SLC44A1: variants seen among roughly 807,000 people sequenced by gnomAD.
The protein encoded by SLC44A1 is solute carrier family 44 member 1.
A neutral mutation model predicts 79.3 loss-of-function variants in SLC44A1; 26 were observed. The observed-to-expected ratio is 0.33, with a 90% CI of 0.24 to 0.46. SLC44A1 has a LOEUF of 0.46. Among genes scored for constraint, SLC44A1 ranks in the 20% least tolerant of loss-of-function variants. The probability of loss-of-function intolerance (pLI) is 1.00; values close to 1 mark genes in which losing one functional copy is unlikely to be tolerated. For synonymous variants in SLC44A1, 263 were observed against 286.2 expected (o/e 0.92, Z 0.82); for missense variants, 688 against 798.1 (o/e 0.86, Z 1.66).
At position 105,389,410 on chromosome 9, in the gene SLC44A1, G is replaced by C. The variant is rs1828708569; in HGVS notation, c.*354G>C. 3 of 1,040,884 alleles carry C rather than the reference G, an allele frequency of 2.9e-6. No individual in the cohort carries two copies. The highest frequency in any genetic ancestry group is 8.6e-5 in the South Asian group (2 of 23,254). The allele number at this position is 1,040,884 out of a possible 1,614,324, so 64.5% of individuals were successfully genotyped here. On this transcript the variant is annotated 3_prime_UTR_variant, in exon 16 of 16. Transcript: ENST00000374720. ...GAGATTTTAACTTTATTTAAAAATA[G>C]GTAAAATTATTGTACCTAATTATGT...
intron 3 of SLC44A1, among the ~76,000 whole-genome samples, chr9:105,330,058 G>GGTCT (rs1826702719): frequency 1.3e-5 from 2 of 152,102 alleles, no homozygotes; most frequent in African/African-American, 4.8e-5. Flanking sequence ...GTATCCAAAG[G>GGTCT]GTCTGGCCCA....
intron 1 of SLC44A1, among the ~76,000 whole-genome samples, chr9:105,286,244 C>T (rs568755747): frequency 6.6e-6 from 1 of 152,298 alleles, no homozygotes; most frequent in African/African-American, 2.4e-5. Flanking sequence ...GATATGCTAA[C>T]CACAGTAAAC....
intron 15 of SLC44A1, among the ~76,000 whole-genome samples, chr9:105,387,166 G>T (rs1193626805): frequency 6.8e-6 from 1 of 148,020 alleles, no homozygotes. Flanking sequence ...CAAACTAATC[G>T]CATATTCAAC....
At chr9:105,324,016 G>T (rs138909285) in intron 3 of SLC44A1, among the ~76,000 whole-genome samples, 2,183 of 151,980 alleles carry the variant, frequency 0.014, 51 homozygotes, top group African/African-American at 0.048. Flanking sequence ...TTTTGTTTTT[G>T]TTTTTGACGG....
At chr9:105,264,923 A>C (rs765564927) in intron 1 of SLC44A1, among the ~76,000 whole-genome samples, 25 of 151,826 alleles carry the variant, frequency 1.6e-4, no homozygotes, top group Non-Finnish European at 1.8e-4. Flanking sequence ...CAGCCTCCCG[A>C]GTAGCTGGGA....
chr9:105,391,695 C>G lies in SLC44A1; in HGVS notation c.*2639C>G, dbSNP rs1460915445. The stretch of plus-strand genomic sequence containing the variant: ...TCATTCATTTCAAGTCATTCTTCAG[C>G]TAGCTATGGGCTGCCTTATTGCTAT... On this transcript the variant is annotated 3_prime_UTR_variant, in exon 16 of 16. Transcript: ENST00000374720. 1.0e-6 allele frequency: 1 copy of G among 985,208 alleles called. No homozygotes were observed. The highest frequency in any genetic ancestry group is 1.1e-4 in the East Asian group (1 of 8,826). 61.0% of individuals were successfully genotyped at this position (985,208 alleles called of 1,614,324 possible). A position where few individuals can be genotyped will look rare whatever the true frequency, so the allele number is the denominator to read the frequency against.
intron 2 of SLC44A1, among the ~76,000 whole-genome samples, chr9:105,308,265 T>C (rs1831084929): frequency 6.6e-6 from 1 of 152,172 alleles, no homozygotes; most frequent in Non-Finnish European, 1.5e-5. Flanking sequence ...ACCTAACAAC[T>C]ATAATAGCTA....
chr9:105,263,925 AC>A (rs1485925498), intron 1 of SLC44A1, among the ~76,000 whole-genome samples: 1 of 151,956 alleles, frequency 6.6e-6, no homozygotes, highest in Non-Finnish European at 1.5e-5. Flanking sequence ...CTGCCCTGAG[AC>A]CACCACTTTT....
At chr9:105,254,591 A>G (rs1829661310) in intron 1 of SLC44A1, among the ~76,000 whole-genome samples, 1 of 152,186 alleles carries the variant, frequency 6.6e-6, no homozygotes, top group Admixed American at 6.5e-5. Context: ...GTGTTTCCTA[A>G]CATTTTACTT....
At chr9:105,336,491 G>C (rs897797003) in intron 4 of SLC44A1, among the ~76,000 whole-genome samples, 1 of 151,984 alleles carries the variant, frequency 6.6e-6, no homozygotes, top group African/African-American at 2.4e-5. Flanking sequence ...TCAGAGAATC[G>C]TTTTTTTAAC....
At chr9:105,366,792 C>T (rs1218248734) in intron 12 of SLC44A1, among the ~76,000 whole-genome samples, 1 of 152,062 alleles carries the variant, frequency 6.6e-6, no homozygotes, top group Non-Finnish European at 1.5e-5. Context: ...TTAAGTTTTT[C>T]CTAAGAATCT....
At chr9:105,343,374 A>G (rs1827157141) in intron 4 of SLC44A1, among the ~76,000 whole-genome samples, 1 of 152,212 alleles carries the variant, frequency 6.6e-6, no homozygotes, top group African/African-American at 2.4e-5. Context: ...TTAACAGATT[A>G]TGTGATCTAT....
At chr9:105,326,704 T>C (rs1461497888) in intron 3 of SLC44A1, among the ~76,000 whole-genome samples, 1 of 152,260 alleles carries the variant, frequency 6.6e-6, no homozygotes, top group Admixed American at 6.5e-5. Flanking sequence ...TTATGATTTC[T>C]GGAGGCTCAC....
chr9:105,274,690 G>A (rs749642203), intron 1 of SLC44A1, among the ~76,000 whole-genome samples: 3 of 152,216 alleles, frequency 2.0e-5, no homozygotes, highest in Non-Finnish European at 4.4e-5. Context: ...AGTATGGGTA[G>A]AGTAAATAAC....
intron 3 of SLC44A1, 129 bp from the exon 4 acceptor site, chr9:105,335,434 A>T: frequency 1.6e-6 from 1 of 613,466 alleles, no homozygotes; most frequent in South Asian, 3.4e-5. Flanking sequence ...TTTAAAATGT[A>T]TTTATGATGA....
intron 1 of SLC44A1, among the ~76,000 whole-genome samples, chr9:105,278,173 T>G (rs1004617101): frequency 1.3e-5 from 2 of 152,078 alleles, no homozygotes. Flanking sequence ...GCGATTCTCC[T>G]GCCTCAGCCT....
chr9:105,299,180 C>G, intron 1 of SLC44A1, 40 bp from the exon 2 acceptor site: 2 of 1,436,122 alleles, frequency 1.4e-6, no homozygotes, highest in South Asian at 1.2e-5. Context: ...TTTAACTAAA[C>G]TTAGCATTTA....
intron 3 of SLC44A1, among the ~76,000 whole-genome samples, chr9:105,323,953 G>A (rs150242591): frequency 1.5e-3 from 228 of 152,020 alleles, no homozygotes; most frequent in African/African-American, 5.3e-3. Context: ...GCCATTCTTC[G>A]ACCTCTAGTC....
intron 1 of SLC44A1, among the ~76,000 whole-genome samples, chr9:105,297,658 A>G (rs1349278907): frequency 6.6e-6 from 1 of 152,202 alleles, no homozygotes; most frequent in Admixed American, 6.5e-5. Context: ...CTGGGATTAC[A>G]GGCATGAGCC....
Sources: allele counts gnomAD v4.1 joint callset (sites outside exome capture counted in the v4.1 genomes callset), GRCh38; gene constraint gnomAD v4.1.1; transcripts MANE v1.5; gene names NCBI Gene and HGNC (gene_info 2026-07-23, HGNC 2026-07-21).